Variants in LINGO2 observed in about 807,000 individuals in gnomAD.
LINGO2 encodes leucine rich repeat and Ig domain containing 2.
A neutral mutation model predicts 30.6 loss-of-function variants in LINGO2; 14 were observed. That is an observed-to-expected ratio of 0.46 (90% CI 0.30 to 0.72). The LOEUF (loss-of-function observed/expected upper bound fraction) is 0.72. LINGO2 is among the 30% of genes least tolerant of loss of function. The pLI, the probability that LINGO2 is intolerant of heterozygous loss-of-function variation, is 0.07. For synonymous variants in LINGO2, 317 were observed against 288.5 expected, an observed-to-expected ratio of 1.10 and a Z score of -1.00; for missense variants, 729 against 751.7, an observed-to-expected ratio of 0.97 and a Z score of 0.35.
intron 2 of LINGO2, among the ~76,000 whole-genome samples, chr9:28,470,336 A>C (rs1825471236): frequency 6.6e-6 from 1 of 152,258 alleles, no homozygotes; most frequent in Non-Finnish European, 1.5e-5. Flanking sequence ...CAAGAATACC[A>C]TAAGACAACA....
rs920464419 is a variant in LINGO2 at position 28,351,680 on chromosome 9, A to C, written c.-246+21156T>G. The stretch of plus-strand genomic sequence containing the variant: ...CCAGCATCATTCTGATACCAAAGCC[A>C]GGCAGAGACACAACAAAAAAAGAGA... On this transcript the variant is annotated intron_variant, in intron 3 of 5. Coordinates refer to ENST00000379992, the Ensembl canonical transcript of LINGO2. Among the ~76,000 whole-genome samples, 208 of 150,442 alleles carry C rather than the reference A, an allele frequency of 1.4e-3. 4 individuals carry two copies. In the South Asian group the frequency reaches 0.02, roughly 14 times the overall value.
chr9:29,069,358 T>C, the LINGO2 span, among the ~76,000 whole-genome samples: 2 of 151,980 alleles, frequency 1.3e-5, no homozygotes, highest in African/African-American at 4.8e-5. Flanking sequence ...TATCAATTAG[T>C]ATTATATAAT....
the LINGO2 span, among the ~76,000 whole-genome samples, chr9:28,985,764 GA>G: frequency 2.0e-5 from 3 of 151,752 alleles, no homozygotes; most frequent in Non-Finnish European, 4.4e-5. Context: ...TTTGAATATT[GA>G]CCCCTTACAG....
chr9:27,952,818 T>G (rs1390900227), intron 5 of LINGO2, among the ~76,000 whole-genome samples: 1 of 152,072 alleles, frequency 6.6e-6, no homozygotes, highest in Non-Finnish European at 1.5e-5. Flanking sequence ...TTTTATAATA[T>G]TAGAGTTAAG....
rs190698896 is a variant in LINGO2 at position 28,488,377 on chromosome 9, A to G, written c.-364-12352T>C. Among the ~76,000 whole-genome samples, 640 of 152,276 alleles carry G rather than the reference A, an allele frequency of 4.2e-3. 2 individuals carry two copies. Among genetic ancestry groups the G allele is most frequent in the Non-Finnish European group, 6.8e-3 (463 of 68,002 alleles). ...CCCAAGGAACTGAAATATATTACTTACTAATTAAATTAAATATTATTATAA... is the reference window on the plus strand; with the variant it reads ...CCCAAGGAACTGAAATATATTACTTGCTAATTAAATTAAATATTATTATAA... On this transcript the variant is annotated intron_variant, in intron 1 of 5. Coordinates refer to ENST00000379992, the Ensembl canonical transcript of LINGO2.
At chr9:28,734,335 C>G in the LINGO2 span, among the ~76,000 whole-genome samples, 9 of 152,092 alleles carry the variant, frequency 5.9e-5, no homozygotes, top group Admixed American at 6.6e-5. Context: ...TAGGATGGTG[C>G]AAGATTTCAT....
chr9:29,041,588 A>G, the LINGO2 span, among the ~76,000 whole-genome samples: 2 of 152,030 alleles, frequency 1.3e-5, no homozygotes, highest in Non-Finnish European at 2.9e-5. Context: ...AACCTAGAGC[A>G]AATGGACAAC....
At chr9:29,102,662 G>A in the LINGO2 span, among the ~76,000 whole-genome samples, 7 of 152,262 alleles carry the variant, frequency 4.6e-5, no homozygotes, top group South Asian at 4.1e-4. Flanking sequence ...AGGAGACCAT[G>A]CTAGGGTCTG....
At chr9:28,287,753 G>A (rs1823568567) in intron 4 of LINGO2, among the ~76,000 whole-genome samples, 1 of 152,108 alleles carries the variant, frequency 6.6e-6, no homozygotes. Context: ...AGGATCTGAG[G>A]TTTCATTTCA....
the LINGO2 span, among the ~76,000 whole-genome samples, chr9:28,680,073 C>T: frequency 6.6e-6 from 1 of 152,078 alleles, no homozygotes; most frequent in Non-Finnish European, 1.5e-5. Flanking sequence ...CATTCAAACT[C>T]TGCAACTAAT....
At chr9:28,785,576 A>G in the LINGO2 span, among the ~76,000 whole-genome samples, 1 of 152,222 alleles carries the variant, frequency 6.6e-6, no homozygotes, top group Non-Finnish European at 1.5e-5. Flanking sequence ...CGATATTTGC[A>G]GCCCTAGCAA....
At chr9:28,664,428 C>A (rs2136020811) in intron 1 of LINGO2, among the ~76,000 whole-genome samples, 1 of 152,060 alleles carries the variant, frequency 6.6e-6, no homozygotes, top group South Asian at 2.1e-4. Context: ...AATTTAAGCC[C>A]ACATAGTAGA....
chr9:28,912,652 G>T, the LINGO2 span, among the ~76,000 whole-genome samples: 1 of 152,060 alleles, frequency 6.6e-6, no homozygotes, highest in Non-Finnish European at 1.5e-5. Flanking sequence ...CTCACATATA[G>T]TCTTCATTGA....
At chr9:29,129,081 TA>T in the LINGO2 span, among the ~76,000 whole-genome samples, 1 of 152,154 alleles carries the variant, frequency 6.6e-6, no homozygotes, top group African/African-American at 2.4e-5. Context: ...GTTATAAAGC[TA>T]TTAACCCAGC....
chr9:28,837,416 C>A, the LINGO2 span, among the ~76,000 whole-genome samples: 1 of 151,320 alleles, frequency 6.6e-6, no homozygotes, highest in Non-Finnish European at 1.5e-5. Context: ...GAGGCCGAGG[C>A]GGGTGGATCA....
intron 2 of LINGO2, among the ~76,000 whole-genome samples, chr9:28,389,548 A>G (rs1443880264): frequency 6.6e-6 from 1 of 152,180 alleles, no homozygotes. Flanking sequence ...CACCTACCCA[A>G]GATCTCTAGA....
intron 5 of LINGO2, among the ~76,000 whole-genome samples, chr9:27,995,734 T>C (rs1009803804): frequency 6.6e-6 from 1 of 152,128 alleles, no homozygotes; most frequent in Admixed American, 6.6e-5. Flanking sequence ...ATAAAGACCA[T>C]GTATGGACAA....
chr9:29,149,496 A>C, the LINGO2 span, among the ~76,000 whole-genome samples: 1 of 152,038 alleles, frequency 6.6e-6, no homozygotes, highest in Non-Finnish European at 1.5e-5. Context: ...CCAAGAGTTG[A>C]TAGAGAGGCA....
chr9:28,342,428 C>T (rs1479861245), intron 3 of LINGO2, among the ~76,000 whole-genome samples: 1 of 152,106 alleles, frequency 6.6e-6, no homozygotes, highest in Non-Finnish European at 1.5e-5. Context: ...TGGAGATGTA[C>T]AATTCTAGTC....
Sources: gnomAD v4.1 joint callset for allele counts (sites outside exome capture counted in the v4.1 genomes callset) on GRCh38, gnomAD v4.1.1 for gene constraint, MANE v1.5 for transcripts, NCBI Gene and HGNC (gene_info 2026-07-23, HGNC 2026-07-21) for gene names.